GRID2: variants seen among roughly 807,000 people sequenced by gnomAD.
GRID2 encodes the protein glutamate ionotropic receptor delta type subunit 2, also known as glutamate receptor ionotropic, delta-2.
In GRID2, 33 loss-of-function variants were observed where a neutral mutation model predicts 114.8. The observed-to-expected ratio is 0.29, with a 90% CI of 0.22 to 0.38. The LOEUF is 0.38. Ranked by LOEUF, GRID2 falls within the 10% of genes least tolerant of loss-of-function variation. The probability of loss-of-function intolerance (pLI) is 1.00; values close to 1 mark genes in which losing one functional copy is unlikely to be tolerated. For synonymous variants in GRID2, 505 were observed against 449.9 expected, an observed-to-expected ratio of 1.12 and a Z score of -1.55; for missense variants, 1,184 against 1,257.7, an observed-to-expected ratio of 0.94 and a Z score of 0.89.
chr4:93,700,847 A>C (rs1727446375), intron 14 of GRID2, among the ~76,000 whole-genome samples: 1 of 152,086 alleles, frequency 6.6e-6, no homozygotes. Flanking sequence ...TGCCATAATG[A>C]ATCTGTTTTA....
chr4:92,620,995 C>CAAAAAAA (rs67388525), intron 2 of GRID2, among the ~76,000 whole-genome samples: 1 of 112,292 alleles, frequency 8.9e-6, no homozygotes, highest in South Asian at 2.7e-4. Context: ...TAAAGAATGC[C>CAAAAAAA]AAAAAAAAAA....
chr4:93,648,772 G>A (rs1176183938), intron 14 of GRID2, among the ~76,000 whole-genome samples: 1 of 152,060 alleles, frequency 6.6e-6, no homozygotes, highest in Non-Finnish European at 1.5e-5. Context: ...AACCACTCTT[G>A]TAATACATGG....
intron 14 of GRID2, among the ~76,000 whole-genome samples, chr4:93,734,353 G>C (rs1412816135): frequency 6.6e-6 from 1 of 151,822 alleles, no homozygotes; most frequent in African/African-American, 2.4e-5. Context: ...CATTTTATAA[G>C]TCATTTTTAT....
At chr4:92,489,720 C>T (rs1290203572) in intron 1 of GRID2, among the ~76,000 whole-genome samples, 5 of 151,880 alleles carry the variant, frequency 3.3e-5, no homozygotes, top group African/African-American at 9.7e-5. Context: ...GTGGTGCGCG[C>T]CTGTAATCCC....
intron 1 of GRID2, among the ~76,000 whole-genome samples, chr4:92,316,583 A>G (rs1338679827): frequency 1.3e-5 from 2 of 152,168 alleles, no homozygotes; most frequent in Non-Finnish European, 2.9e-5. Context: ...CAGATCATTG[A>G]AACAAGACAC....
intron 2 of GRID2, among the ~76,000 whole-genome samples, chr4:92,942,703 G>T (rs1751256299): frequency 6.6e-6 from 1 of 152,180 alleles, no homozygotes; most frequent in African/African-American, 2.4e-5. Context: ...TGCAGTGGCT[G>T]GTACCGGTTG....
intron 2 of GRID2, among the ~76,000 whole-genome samples, chr4:92,829,834 G>A (rs1002774480): frequency 6.6e-6 from 1 of 151,888 alleles, no homozygotes; most frequent in African/African-American, 2.4e-5. Context: ...ACACAGCAAT[G>A]GAAAACCAAA....
chr4:93,010,196 G>A (rs1310397045), intron 2 of GRID2, among the ~76,000 whole-genome samples: 2 of 151,822 alleles, frequency 1.3e-5, no homozygotes, highest in Non-Finnish European at 2.9e-5. Flanking sequence ...TTCTGTTACT[G>A]GCTACTAAAG....
At chr4:92,410,804 T>G (rs2110299674) in intron 1 of GRID2, among the ~76,000 whole-genome samples, 1 of 151,560 alleles carries the variant, frequency 6.6e-6, no homozygotes, top group Non-Finnish European at 1.5e-5. Context: ...ATCGGTGTAA[T>G]ATTTAACAAC....
rs10551052 is a variant in GRID2 at position 92,448,131 on chromosome 4, TTATGTATGTATG to T, written c.89-141960_89-141949del. On this transcript the variant is annotated intron_variant, in intron 1 of 15. Coordinates refer to ENST00000282020, the MANE Select transcript of GRID2 (RefSeq NM_001510.4). ...TAGAGTAGTAGTATTGATTTTTATT[TTATGTATGTATG>T]TATGTATGTATGTATGTATGTATGT... Among the ~76,000 whole-genome samples the T allele has an allele frequency of 2.9e-3, 426 of 145,480 alleles. 2 individuals carry two copies. The highest frequency in any genetic ancestry group is 4.0e-3 in the Non-Finnish European group (265 of 66,326).
chr4:92,570,881 T>G (rs1321581919), intron 1 of GRID2, among the ~76,000 whole-genome samples: 2 of 152,154 alleles, frequency 1.3e-5, no homozygotes, highest in African/African-American at 2.4e-5. Flanking sequence ...TACAGCATTA[T>G]GTCATCTGCA....
intron 2 of GRID2, among the ~76,000 whole-genome samples, chr4:92,625,024 A>G (rs1257616844): frequency 6.6e-6 from 1 of 151,642 alleles, no homozygotes; most frequent in Non-Finnish European, 1.5e-5. Flanking sequence ...TTTTAGAGTA[A>G]TTCATTTTCT....
At chr4:92,723,998 T>C (rs1240682012) in intron 2 of GRID2, among the ~76,000 whole-genome samples, 1 of 152,184 alleles carries the variant, frequency 6.6e-6, no homozygotes, top group Non-Finnish European at 1.5e-5. Flanking sequence ...AGATATATTA[T>C]TAATTCCAAA....
chr4:93,764,812 A>T (rs1290828840), intron 14 of GRID2, among the ~76,000 whole-genome samples: 1 of 152,188 alleles, frequency 6.6e-6, no homozygotes, highest in East Asian at 1.9e-4. Context: ...GCTCTCTATG[A>T]GCAAATACTG....
chr4:93,272,899 C>T (rs1246091767), intron 8 of GRID2, among the ~76,000 whole-genome samples: 1 of 152,106 alleles, frequency 6.6e-6, no homozygotes, highest in African/African-American at 2.4e-5. Context: ...TAAAAGATGC[C>T]TCAATGACAA....
At chr4:93,363,815 TAA>T (rs1469186846) in intron 8 of GRID2, among the ~76,000 whole-genome samples, 2 of 151,842 alleles carry the variant, frequency 1.3e-5, no homozygotes, top group African/African-American at 2.4e-5. Flanking sequence ...AAAACTATCA[TAA>T]GAGAAAATAT....
At chr4:92,487,283 A>G (rs960429069) in intron 1 of GRID2, among the ~76,000 whole-genome samples, 2 of 151,922 alleles carry the variant, frequency 1.3e-5, no homozygotes, top group Non-Finnish European at 2.9e-5. Flanking sequence ...ATATTATATT[A>G]TTTCTTGTAT....
At position 92,334,963 on chromosome 4, in the gene GRID2, G is replaced by A. The variant is rs556806191; in HGVS notation, c.88+30219G>A. 6.6e-5 allele frequency among the ~76,000 whole-genome samples: 10 copies of A among 152,218 alleles called. 1 individual carries two copies. In the East Asian group the frequency reaches 1.9e-3, roughly 29 times the overall value. On this transcript the variant is annotated intron_variant, in intron 1 of 15. Coordinates refer to ENST00000282020, the MANE Select transcript of GRID2 (RefSeq NM_001510.4). ...CCTCCCTCTAGAGTTTTCATTATACGAGCCAATAATTTTCTGTTCAAAGTT... is the reference window on the plus strand; with the variant it reads ...CCTCCCTCTAGAGTTTTCATTATACAAGCCAATAATTTTCTGTTCAAAGTT...
intron 2 of GRID2, among the ~76,000 whole-genome samples, chr4:92,898,536 A>T (rs1747335262): frequency 6.6e-6 from 1 of 152,190 alleles, no homozygotes; most frequent in Non-Finnish European, 1.5e-5. Flanking sequence ...TAAATGTAGC[A>T]TAAAACTTCT....
Sources: gnomAD v4.1 joint callset for allele counts (sites outside exome capture counted in the v4.1 genomes callset) on GRCh38, gnomAD v4.1.1 for gene constraint, MANE v1.5 for transcripts, NCBI Gene and HGNC (gene_info 2026-07-23, HGNC 2026-07-21) for gene names.